Variants in SCHIP1 observed in about 807,000 individuals in gnomAD.
SCHIP1 encodes the protein schwannomin interacting protein 1.
SCHIP1 carries 8 observed loss-of-function variants against 29.7 expected under a neutral mutation model. The ratio of observed to expected loss-of-function variants is 0.27; its 90% confidence interval spans 0.16 to 0.49. The LOEUF is 0.49. Ranked by LOEUF, SCHIP1 falls within the 20% of genes least tolerant of loss-of-function variation. The pLI, the probability that SCHIP1 is intolerant of heterozygous loss-of-function variation, is 0.99. For synonymous variants in SCHIP1, 76 were observed against 94.9 expected, an observed-to-expected ratio of 0.80 and a Z score of 1.16; for missense variants, 193 against 294.6, an observed-to-expected ratio of 0.66 and a Z score of 2.52.
intron 2 of SCHIP1, among the ~76,000 whole-genome samples, chr3:159,871,138 A>G (rs1036284561): frequency 2.0e-5 from 3 of 152,028 alleles, no homozygotes; most frequent in Non-Finnish European, 4.4e-5. Context: ...CCTGTCCATC[A>G]TGACTTTTTC....
the SCHIP1 span, among the ~76,000 whole-genome samples, chr3:159,694,592 G>GAA: frequency 8.1e-5 from 11 of 136,190 alleles, no homozygotes; most frequent in South Asian, 2.3e-4. Context: ...AAGAAAGAAA[G>GAA]AAAGAAAGAA....
At chr3:159,455,925 G>A in the SCHIP1 span, among the ~76,000 whole-genome samples, 1 of 152,182 alleles carries the variant, frequency 6.6e-6, no homozygotes, top group African/African-American at 2.4e-5. Flanking sequence ...AATGAAGGAA[G>A]AGATGCCACC....
At chr3:159,678,804 T>G in the SCHIP1 span, among the ~76,000 whole-genome samples, 1 of 152,204 alleles carries the variant, frequency 6.6e-6, no homozygotes, top group African/African-American at 2.4e-5. Flanking sequence ...AAGGCACCTC[T>G]TCACAGAGTG....
chr3:159,795,816 C>T, the SCHIP1 span, among the ~76,000 whole-genome samples: 4 of 152,108 alleles, frequency 2.6e-5, no homozygotes, highest in African/African-American at 9.7e-5. Flanking sequence ...CTCTGGGGAC[C>T]ATATGGCCAT....
chr3:159,336,984 G>C, the SCHIP1 span, among the ~76,000 whole-genome samples: 2 of 152,122 alleles, frequency 1.3e-5, no homozygotes, highest in Non-Finnish European at 1.5e-5. Context: ...AGCATGGAAT[G>C]TTCTTCCATT....
chr3:159,887,032 G>A (rs997659932), intron 3 of SCHIP1: 2 of 152,684 alleles, frequency 1.3e-5, no homozygotes, highest in African/African-American at 4.8e-5. Flanking sequence ...ACGACACATG[G>A]GAATTGTGGG....
At chr3:159,736,971 T>C in the SCHIP1 span, among the ~76,000 whole-genome samples, 1 of 152,096 alleles carries the variant, frequency 6.6e-6, no homozygotes, top group African/African-American at 2.4e-5. Flanking sequence ...CCTGACCTCA[T>C]GATCCGCCCA....
the SCHIP1 span, among the ~76,000 whole-genome samples, chr3:159,506,872 T>C: frequency 6.6e-6 from 1 of 152,234 alleles, no homozygotes; most frequent in African/African-American, 2.4e-5. Flanking sequence ...TACTGTAGCC[T>C]TGTAACATAG....
At chr3:159,357,924 T>C in the SCHIP1 span, among the ~76,000 whole-genome samples, 3 of 152,310 alleles carry the variant, frequency 2.0e-5, 1 homozygote, top group African/African-American at 7.2e-5. Flanking sequence ...CAGAAAGTCC[T>C]GGGAGCTCAG....
At chr3:159,891,410 A>G (rs1446269038) in intron 5 of SCHIP1, among the ~76,000 whole-genome samples, 1 of 151,266 alleles carries the variant, frequency 6.6e-6, no homozygotes, top group Non-Finnish European at 1.5e-5. Flanking sequence ...GGGAGGGAGG[A>G]AGGGAGCGAG....
At chr3:159,865,499 C>G (rs551639227) in intron 1 of SCHIP1, among the ~76,000 whole-genome samples, 1 of 152,270 alleles carries the variant, frequency 6.6e-6, no homozygotes, top group Non-Finnish European at 1.5e-5. Flanking sequence ...CAGATGGGCC[C>G]AACTAGAATT....
At chr3:159,875,121 G>T (rs1310845232) in intron 2 of SCHIP1, among the ~76,000 whole-genome samples, 1 of 151,374 alleles carries the variant, frequency 6.6e-6, no homozygotes, top group African/African-American at 2.4e-5. Context: ...AGCAAGATTT[G>T]AAGTAGATCT....
the SCHIP1 span, among the ~76,000 whole-genome samples, chr3:159,490,858 G>T: frequency 6.6e-6 from 1 of 152,022 alleles, no homozygotes. Context: ...AAAGGAAGGA[G>T]AATTGATTCA....
chr3:159,369,272 A>G, the SCHIP1 span, among the ~76,000 whole-genome samples: 3 of 152,304 alleles, frequency 2.0e-5, no homozygotes, highest in African/African-American at 4.8e-5. Context: ...TATTTTAATA[A>G]TTTATTTAAA....
chr3:159,334,333 A>T, the SCHIP1 span, among the ~76,000 whole-genome samples: 1 of 152,178 alleles, frequency 6.6e-6, no homozygotes, highest in African/African-American at 2.4e-5. Context: ...AGAGACAGTT[A>T]TATATTTGGT....
intron 1 of SCHIP1, among the ~76,000 whole-genome samples, chr3:159,846,222 G>A (rs548434642): frequency 3.3e-5 from 5 of 152,088 alleles, no homozygotes; most frequent in African/African-American, 1.2e-4. Flanking sequence ...TTTTACCACC[G>A]CATGGAATAC....
intron 1 of SCHIP1, among the ~76,000 whole-genome samples, chr3:159,853,820 T>C (rs1182623491): frequency 6.6e-6 from 1 of 152,254 alleles, no homozygotes; most frequent in Non-Finnish European, 1.5e-5. Context: ...GTTTAACCTA[T>C]TTTTCCAATT....
At chr3:159,826,604 A>G in the SCHIP1 span, among the ~76,000 whole-genome samples, 2 of 152,218 alleles carry the variant, frequency 1.3e-5, no homozygotes, top group South Asian at 2.1e-4. Flanking sequence ...ATTGAAAGTC[A>G]AGAGTGAAAA....
At chr3:159,683,796 A>G in the SCHIP1 span, among the ~76,000 whole-genome samples, 1 of 152,216 alleles carries the variant, frequency 6.6e-6, no homozygotes, top group Non-Finnish European at 1.5e-5. Flanking sequence ...GTGCTTCCAC[A>G]TGAAGTTTAT....
Sources: gnomAD v4.1 joint callset for allele counts (sites outside exome capture counted in the v4.1 genomes callset) on GRCh38, gnomAD v4.1.1 for gene constraint, MANE v1.5 for transcripts, NCBI Gene and HGNC (gene_info 2026-07-23, HGNC 2026-07-21) for gene names.